TMEM182: variants seen among roughly 807,000 people sequenced by gnomAD.
TMEM182 encodes the protein transmembrane protein 182.
In TMEM182, 20 loss-of-function variants were observed where a neutral mutation model predicts 26.8. The ratio of observed to expected loss-of-function variants is 0.75; its 90% CI spans 0.53 to 1.09. The LOEUF is 1.09. Among genes scored for constraint, TMEM182 ranks in the 50% least tolerant of loss-of-function variants. The probability of loss-of-function intolerance (pLI) is 0.00; values close to 1 mark genes in which losing one functional copy is unlikely to be tolerated. For synonymous variants in TMEM182, 109 were observed against 102.2 expected, an observed-to-expected ratio of 1.07 and a Z score of -0.40; for missense variants, 277 against 275.5, an observed-to-expected ratio of 1.01 and a Z score of -0.04.
intron 4 of TMEM182, among the ~76,000 whole-genome samples, chr2:102,805,608 CAA>C (rs1354381976): frequency 9.1e-5 from 13 of 142,492 alleles, no homozygotes; most frequent in African/African-American, 2.8e-4. Flanking sequence ...ATCGTTCCCT[CAA>C]AAAAAAAAAA....
At chr2:102,794,511 T>C (rs1573542675) in intron 3 of TMEM182, among the ~76,000 whole-genome samples, 1 of 152,248 alleles carries the variant, frequency 6.6e-6, no homozygotes, top group East Asian at 1.9e-4. Flanking sequence ...CACATTCTAC[T>C]CTTTCCTTCT....
intron 3 of TMEM182, among the ~76,000 whole-genome samples, chr2:102,793,108 G>T: frequency 6.6e-6 from 1 of 152,150 alleles, no homozygotes; most frequent in East Asian, 1.9e-4. Context: ...CCTCATGTGA[G>T]CTTCTGCTCT....
At chr2:102,794,117 A>G (rs916042742) in intron 3 of TMEM182, among the ~76,000 whole-genome samples, 1 of 152,206 alleles carries the variant, frequency 6.6e-6, no homozygotes, top group Non-Finnish European at 1.5e-5. Context: ...TTCTTATTAT[A>G]TGCCACACAC....
intron 3 of TMEM182, among the ~76,000 whole-genome samples, chr2:102,823,804 T>G (rs1682974498): frequency 6.6e-6 from 1 of 152,214 alleles, no homozygotes; most frequent in African/African-American, 2.4e-5. Flanking sequence ...TTAGTTTAGT[T>G]TTGTTCCTAT....
chr2:102,811,625 C>T (rs1451730879), intron 4 of TMEM182, among the ~76,000 whole-genome samples: 2 of 152,130 alleles, frequency 1.3e-5, no homozygotes, highest in Admixed American at 6.5e-5. Flanking sequence ...GAAAAGCTTC[C>T]CTTTCCCTAT....
intron 3 of TMEM182, among the ~76,000 whole-genome samples, chr2:102,791,147 G>A (rs370346688): frequency 2.0e-5 from 3 of 152,070 alleles, no homozygotes; most frequent in South Asian, 2.1e-4. Context: ...TGTTGGCCAG[G>A]CTGGTCTTGA....
At chr2:102,774,250 CTTTTTTT>C (rs774047240) in intron 3 of TMEM182, among the ~76,000 whole-genome samples, 8 of 96,128 alleles carry the variant, frequency 8.3e-5, no homozygotes, top group African/African-American at 1.3e-4. Flanking sequence ...TTCTTTCTTT[CTTTTTTT>C]TTTTTTTTTT....
At chr2:102,825,966 C>G (rs1231911482) in intron 3 of TMEM182, among the ~76,000 whole-genome samples, 2 of 152,176 alleles carry the variant, frequency 1.3e-5, no homozygotes, top group Non-Finnish European at 2.9e-5. Flanking sequence ...GTTTTGAACA[C>G]TTTTGAATGA....
rs1681016501 is a variant in TMEM182 at position 102,778,316 on chromosome 2, A to G, written c.331+13889A>G. Among the ~76,000 whole-genome samples, 3 of 151,530 alleles carry G rather than the reference A, an allele frequency of 2.0e-5. No individual in the cohort carries two copies. In the South Asian group the frequency reaches 6.2e-4, roughly 31 times the overall value. ...TTCTTGATCTTATATTAATATAGTG[A>G]CTCCTACATTCTTTTAATTAATATT... On this transcript the variant is annotated intron_variant, in intron 3 of 4. Coordinates refer to ENST00000412401, the MANE Select transcript of TMEM182 (RefSeq NM_144632.5).
At chr2:102,808,819 C>G (rs1682442292) in intron 4 of TMEM182, among the ~76,000 whole-genome samples, 1 of 152,148 alleles carries the variant, frequency 6.6e-6, no homozygotes, top group Non-Finnish European at 1.5e-5. Flanking sequence ...TGAGTAAAAA[C>G]ATTCCCAAAC....
At chr2:102,777,161 A>G (rs999537167) in intron 3 of TMEM182, among the ~76,000 whole-genome samples, 4 of 151,970 alleles carry the variant, frequency 2.6e-5, no homozygotes, top group Non-Finnish European at 4.4e-5. Flanking sequence ...ATAAAGTCCA[A>G]TTTGTCTCTG....
chr2:102,813,577 C>T (rs757103534), intron 4 of TMEM182, among the ~76,000 whole-genome samples: 3 of 152,114 alleles, frequency 2.0e-5, no homozygotes, highest in Admixed American at 6.5e-5. Flanking sequence ...GCTGTGTGTG[C>T]GGTTTGTGTA....
chr2:102,772,318 G>C (rs182661427), intron 3 of TMEM182, among the ~76,000 whole-genome samples: 2 of 152,120 alleles, frequency 1.3e-5, no homozygotes, highest in Non-Finnish European at 2.9e-5. Context: ...TCTTGCCCTC[G>C]TGGGGCTTTC....
intron 3 of TMEM182, among the ~76,000 whole-genome samples, chr2:102,836,010 T>C (rs1480960183): frequency 6.6e-6 from 1 of 152,158 alleles, no homozygotes; most frequent in Non-Finnish European, 1.5e-5. Context: ...TCCATTCAGA[T>C]TGGGTTATTT....
intron 1 of TMEM182, among the ~76,000 whole-genome samples, chr2:102,756,265 T>A (rs971121180): frequency 6.6e-6 from 1 of 152,222 alleles, no homozygotes; most frequent in African/African-American, 2.4e-5. Flanking sequence ...GTTTTATTAT[T>A]TGTTTTTTAA....
intron 3 of TMEM182, among the ~76,000 whole-genome samples, chr2:102,792,391 G>A (rs982366629): frequency 5.9e-5 from 9 of 152,080 alleles, no homozygotes; most frequent in Non-Finnish European, 1.2e-4. Flanking sequence ...GAAAACTAAA[G>A]TCTATCATAG....
intron 1 of TMEM182, among the ~76,000 whole-genome samples, chr2:102,752,629 T>C (rs1679907337): frequency 6.6e-6 from 1 of 152,192 alleles, no homozygotes; most frequent in Non-Finnish European, 1.5e-5. Flanking sequence ...TCTCCTTGCA[T>C]TTCACTCTCT....
intron 4 of TMEM182, among the ~76,000 whole-genome samples, chr2:102,813,913 C>T (rs1682647042): frequency 1.3e-5 from 2 of 151,724 alleles, no homozygotes; most frequent in Non-Finnish European, 2.9e-5. Context: ...TCCTTCCTTC[C>T]TTCCTCCCTT....
At chr2:102,754,557 G>C (rs933103753) in intron 1 of TMEM182, among the ~76,000 whole-genome samples, 2 of 152,190 alleles carry the variant, frequency 1.3e-5, no homozygotes, top group African/African-American at 4.8e-5. Flanking sequence ...TCTAGAACAT[G>C]GATTTGCAGT....
Sources: allele counts gnomAD v4.1 joint callset (sites outside exome capture counted in the v4.1 genomes callset), GRCh38; gene constraint gnomAD v4.1.1; transcripts MANE v1.5; gene names NCBI Gene and HGNC (gene_info 2026-07-23, HGNC 2026-07-21).